The following VDAC2 variants were observed in gnomAD, a reference collection of about 807,000 sequenced individuals.
VDAC2 encodes the protein non-selective voltage-gated ion channel VDAC2.
A neutral mutation model predicts 36.6 loss-of-function variants in VDAC2; 6 were observed. The observed-to-expected ratio is 0.16, with a 90% CI of 0.09 to 0.32. The LOEUF is 0.32. Ranked by LOEUF, VDAC2 falls within the 10% of genes least tolerant of loss-of-function variation. The probability of loss-of-function intolerance (pLI) is 1.00; values close to 1 mark genes in which losing one functional copy is unlikely to be tolerated. For synonymous variants in VDAC2, 109 were observed against 123.8 expected, an observed-to-expected ratio of 0.88 and a Z score of 0.79; for missense variants, 247 against 346.0, an observed-to-expected ratio of 0.71 and a Z score of 2.27.
chr10:75,210,539 C>T (rs1236819870), upstream of VDAC2: 2 of 152,424 alleles, frequency 1.3e-5, no homozygotes, highest in African/African-American at 4.8e-5. Context: ...ATCCCCCTCC[C>T]AGGCGGTCCC....
At position 75,221,127 on chromosome 10, in the gene VDAC2, A is replaced by G. The variant is rs955529324; in HGVS notation, c.584+157A>G. Reference sequence around the variant, plus strand: ...TTTCTAGGGTGCCCCTTGAAAGTTTATAGTAGAAGACTGTTAGTCTGACCT... The same window carrying G: ...TTTCTAGGGTGCCCCTTGAAAGTTTGTAGTAGAAGACTGTTAGTCTGACCT... On this transcript the variant is annotated intron_variant, in intron 7 of 9. Coordinates refer to ENST00000332211, the MANE Select transcript of VDAC2 (RefSeq NM_001391963.1). 2.0e-5 allele frequency: 14 copies of G among 700,976 alleles called. No homozygotes were observed. In the Admixed American group the frequency reaches 2.5e-4, roughly 13 times the overall value. 43.4% of individuals were successfully genotyped at this position (700,976 alleles called of 1,614,324 possible).
At chr10:75,229,015 A>G (rs190045972) in intron 8 of VDAC2, among the ~76,000 whole-genome samples, 1 of 152,366 alleles carries the variant, frequency 6.6e-6, no homozygotes, top group Non-Finnish European at 1.5e-5. Flanking sequence ...GGATTGGTAC[A>G]TGATACCTCA....
chr10:75,213,114 T>C (rs1841480504), intron 3 of VDAC2, among the ~76,000 whole-genome samples: 2 of 152,198 alleles, frequency 1.3e-5, no homozygotes, highest in African/African-American at 4.8e-5. Context: ...AATCTCGCTC[T>C]GTTGCCCAGG....
chr10:75,226,274 A>G (rs1400244435), intron 8 of VDAC2, among the ~76,000 whole-genome samples: 1 of 151,982 alleles, frequency 6.6e-6, no homozygotes, highest in Admixed American at 6.6e-5. Context: ...GTGGCCTATG[A>G]TACTATGGTG....
intron 4 of VDAC2, among the ~76,000 whole-genome samples, chr10:75,217,455 G>A (rs762296749): frequency 6.6e-6 from 1 of 152,144 alleles, no homozygotes; most frequent in Non-Finnish European, 1.5e-5. Context: ...TTGGCTCACT[G>A]CAACCTCAGG....
chr10:75,220,370 A>G (rs1221008361), intron 6 of VDAC2, among the ~76,000 whole-genome samples: 5 of 152,180 alleles, frequency 3.3e-5, no homozygotes, highest in African/African-American at 7.2e-5. Context: ...CAGCCTCCCA[A>G]AGTGCTGAGA....
intron 8 of VDAC2, among the ~76,000 whole-genome samples, chr10:75,226,822 A>G (rs1452203507): frequency 6.6e-6 from 1 of 152,046 alleles, no homozygotes; most frequent in Non-Finnish European, 1.5e-5. Flanking sequence ...TAATGAGGTG[A>G]TTTTTGGATA....
intron 4 of VDAC2, chr10:75,217,873 T>C: frequency 2.4e-6 from 3 of 1,253,648 alleles, no homozygotes; most frequent in Non-Finnish European, 3.1e-6. Context: ...ATTTTTGATA[T>C]TTCTCACTCT....
At chr10:75,219,421 G>GA in intron 6 of VDAC2, 65 bp downstream of exon 6, 2 of 1,355,416 alleles carry the variant, frequency 1.5e-6, no homozygotes, top group Non-Finnish European at 2.0e-6. Context: ...ATTTAGAAAA[G>GA]GTGTACATTT....
At position 75,219,089 on chromosome 10, in the gene VDAC2, T is replaced by C. The variant is rs984409912; in HGVS notation, c.177T>C (p.Asn59=). The change falls in exon 5 of 10, where the codon AAT becomes AAC. Residue 59 remains asparagine, a synonymous_variant. Coordinates refer to ENST00000332211, the MANE Select transcript of VDAC2 (RefSeq NM_001391963.1). ...AATTTTCAACGTCCGGTTCATCTAATACAGACACTGGTAAAGTTACTGGGA... is the reference window on the plus strand; with the variant it reads ...AATTTTCAACGTCCGGTTCATCTAACACAGACACTGGTAAAGTTACTGGGA... ...GVEFSTSGSS[N]TDTGKVTGTL... is the part of the protein sequence containing the mutation. The C allele has an allele frequency of 6.2e-7, 1 of 1,610,466 alleles. No individual in the cohort carries two copies. Among genetic ancestry groups the C allele is most frequent in the Non-Finnish European group, 8.5e-7 (1 of 1,179,278 alleles).
At chr10:75,211,028 C>A (rs1331926925) in intron 1 of VDAC2, 90 bp downstream of exon 1, 5 of 1,125,508 alleles carry the variant, frequency 4.4e-6, no homozygotes, top group Non-Finnish European at 6.1e-6. Flanking sequence ...TCGGCCCTGG[C>A]TTCCTAAGAT....
Position 75,211,105 on chromosome 10 carries a change from GCTTACCGCA to G in VDAC2, c.-25-25_-25-17del, listed in dbSNP as rs1414391277. On this transcript the variant is annotated intron_variant, in intron 1 of 9. Coordinates refer to ENST00000332211, the MANE Select transcript of VDAC2 (RefSeq NM_001391963.1). ...ATCTCCCTTTGGCCCTTTGACCCCA[GCTTACCGCA>G]CTTCTTGTCCCTCCCGCAGATTCCC... 5.0e-6 allele frequency: 8 copies of G among 1,589,438 alleles called. No homozygotes were observed. The highest frequency in any genetic ancestry group is 1.3e-5 in the African/African-American group (1 of 74,226).
At chr10:75,221,886 AC>A (rs1296401094) in intron 7 of VDAC2, among the ~76,000 whole-genome samples, 1 of 152,230 alleles carries the variant, frequency 6.6e-6, no homozygotes, top group Admixed American at 6.5e-5. Context: ...AAGAAAACCT[AC>A]GTTTCTTACA....
At chr10:75,224,736 G>A (rs1436710675) in intron 8 of VDAC2, among the ~76,000 whole-genome samples, 2 of 152,200 alleles carry the variant, frequency 1.3e-5, no homozygotes, top group Non-Finnish European at 2.9e-5. Context: ...TTTGGTTTAA[G>A]CCTTGGCCAC....
At chr10:75,228,311 T>C (rs1028926742) in intron 8 of VDAC2, among the ~76,000 whole-genome samples, 2 of 151,132 alleles carry the variant, frequency 1.3e-5, no homozygotes, top group African/African-American at 4.9e-5. Flanking sequence ...TAGGCTGTAG[T>C]TCACTGGTGC....
rs978437085 is a variant in VDAC2 at position 75,212,379 on chromosome 10, T to C, written c.100+81T>C. ...TTGCTTAGCGAAATCAGATCAATCA[T>C]TGCAAATTGTAAATATCTTGCTGCT... On this transcript the variant is annotated intron_variant, in intron 3 of 9. Coordinates refer to ENST00000332211, the MANE Select transcript of VDAC2 (RefSeq NM_001391963.1). 2.5e-6 allele frequency: 3 copies of C among 1,216,288 alleles called. No homozygotes were observed. The Admixed American group carries it at 6.9e-5, about 28-fold the overall frequency. The allele number at this position is 1,216,288 out of a possible 1,614,324, so 75.3% of individuals were successfully genotyped here. A position where few individuals can be genotyped will look rare whatever the true frequency, so the allele number is the denominator to read the frequency against.
At chr10:75,213,938 GT>G (rs985332798) in intron 3 of VDAC2, 82 bp from the exon 4 acceptor site, 2 of 1,359,562 alleles carry the variant, frequency 1.5e-6, no homozygotes, top group African/African-American at 2.9e-5. Context: ...GAATCTTTTT[GT>G]TTTTTATGTA....
chr10:75,213,932 C>A, intron 3 of VDAC2, 89 bp from the exon 4 acceptor site: 1 of 1,269,114 alleles, frequency 7.9e-7, no homozygotes, highest in Non-Finnish European at 1.1e-6. Flanking sequence ...TATGTGGAAT[C>A]TTTTTGTTTT....
intron 6 of VDAC2, 59 bp downstream of exon 6, chr10:75,219,415 A>G: frequency 7.1e-7 from 1 of 1,400,334 alleles, no homozygotes; most frequent in Non-Finnish European, 9.9e-7. Flanking sequence ...TTGTATATTT[A>G]GAAAAGGTGT....
Sources: gnomAD v4.1 joint callset for allele counts (sites outside exome capture counted in the v4.1 genomes callset) on GRCh38, gnomAD v4.1.1 for gene constraint, MANE v1.5 for transcripts, NCBI Gene and HGNC (gene_info 2026-07-23, HGNC 2026-07-21) for gene names.